Variants in DPP10 observed in about 807,000 individuals in gnomAD.
The protein encoded by DPP10 is inactive dipeptidyl peptidase 10.
A neutral mutation model predicts 120.9 loss-of-function variants in DPP10; 33 were observed. The ratio of observed to expected loss-of-function variants is 0.27; its 90% CI spans 0.21 to 0.37. DPP10 has a LOEUF of 0.37. Among genes scored for constraint, DPP10 ranks in the 10% least tolerant of loss-of-function variants. The pLI is 1.00. For missense variants in DPP10, 816 were observed against 942.8 expected, an observed-to-expected ratio of 0.87 and a Z score of 1.76; for synonymous variants, 337 against 326.1, an observed-to-expected ratio of 1.03 and a Z score of -0.36.
At chr2:115,281,513 T>C (rs2060155990) in intron 1 of DPP10, among the ~76,000 whole-genome samples, 1 of 152,196 alleles carries the variant, frequency 6.6e-6, no homozygotes, top group Admixed American at 6.5e-5. Context: ...GTAATGGCTA[T>C]ATCGCTTGGT....
At chr2:115,270,089 CACACACACACACACACACACACACAG>C (rs1230494247) in intron 1 of DPP10, among the ~76,000 whole-genome samples, 25 of 148,886 alleles carry the variant, frequency 1.7e-4, no homozygotes, top group Middle Eastern at 3.4e-3. Flanking sequence ...CACACACACA[CACACACACACACACACACACACACAG>C]ACACACACAC....
chr2:115,495,479 G>A (rs1481839581), intron 3 of DPP10, among the ~76,000 whole-genome samples: 1 of 150,150 alleles, frequency 6.7e-6, no homozygotes, highest in Admixed American at 6.7e-5. Context: ...CTTTATTTTT[G>A]GTCCTGATAG....
At chr2:115,206,213 T>C (rs1002440360) in intron 1 of DPP10, among the ~76,000 whole-genome samples, 1 of 152,152 alleles carries the variant, frequency 6.6e-6, no homozygotes, top group African/African-American at 2.4e-5. Flanking sequence ...GTTTCCCTCG[T>C]CAGGTGACTG....
intron 1 of DPP10, among the ~76,000 whole-genome samples, chr2:115,299,357 C>G (rs1400516115): frequency 6.6e-6 from 1 of 151,898 alleles, no homozygotes; most frequent in Admixed American, 6.6e-5. Flanking sequence ...AAATAACAAA[C>G]AGGAAAGTAT....
rs140133938 is a variant in DPP10, at chr2:115,048,106, A to G, written c.61-261133A>G. ...CTGGAAGCATGTTTTATGCTTTTGG[A>G]TTGTCCATTATATTGGATACAGTGC... On this transcript the variant is annotated intron_variant, in intron 1 of 25. Coordinates refer to ENST00000410059, the MANE Select transcript of DPP10 (RefSeq NM_020868.6). Among the ~76,000 whole-genome samples the G allele has an allele frequency of 5.2e-3, 787 of 152,154 alleles. 7 individuals are homozygous for G. The highest frequency in any genetic ancestry group is 0.018 in the African/African-American group (743 of 41,540).
chr2:115,738,934 A>G (rs1225975880), intron 8 of DPP10, among the ~76,000 whole-genome samples: 2 of 152,160 alleles, frequency 1.3e-5, no homozygotes, highest in Non-Finnish European at 2.9e-5. Flanking sequence ...GGGGTAGGAA[A>G]ACCACAAAGG....
chr2:115,309,795 C>T (rs1574376458), intron 2 of DPP10, among the ~76,000 whole-genome samples: 1 of 152,028 alleles, frequency 6.6e-6, no homozygotes, highest in East Asian at 1.9e-4. Flanking sequence ...TGATCTAAGC[C>T]TCTAAATTTG....
chr2:114,571,689 G>C (rs1210848928), intron 1 of DPP10, among the ~76,000 whole-genome samples: 1 of 151,808 alleles, frequency 6.6e-6, no homozygotes, highest in African/African-American at 2.4e-5. Context: ...GAATTGCTGT[G>C]GTAGGTAGTA....
chr2:115,604,333 T>C (rs1353568958), intron 5 of DPP10, among the ~76,000 whole-genome samples: 2 of 152,190 alleles, frequency 1.3e-5, no homozygotes, highest in Non-Finnish European at 2.9e-5. Flanking sequence ...CTCAGTCTTA[T>C]AACAATAGAT....
At chr2:114,641,173 A>G (rs552531222) in intron 1 of DPP10, among the ~76,000 whole-genome samples, 4 of 152,116 alleles carry the variant, frequency 2.6e-5, no homozygotes, top group African/African-American at 9.7e-5. Flanking sequence ...ACATTTTTCT[A>G]AGTTCTTATA....
intron 1 of DPP10, among the ~76,000 whole-genome samples, chr2:114,583,994 C>T (rs1690743742): frequency 6.6e-6 from 1 of 152,014 alleles, no homozygotes; most frequent in South Asian, 2.1e-4. Context: ...TATGTTAAGA[C>T]TTTAAGGTAT....
intron 1 of DPP10, among the ~76,000 whole-genome samples, chr2:114,969,750 A>G (rs1403592817): frequency 6.6e-6 from 1 of 152,150 alleles, no homozygotes; most frequent in Non-Finnish European, 1.5e-5. Flanking sequence ...ACAAACGAAA[A>G]AAACACTAGC....
intron 1 of DPP10, among the ~76,000 whole-genome samples, chr2:114,565,830 G>C (rs144749651): frequency 9.9e-4 from 151 of 152,264 alleles, no homozygotes; most frequent in African/African-American, 3.4e-3. Flanking sequence ...TCTGCTATGG[G>C]TCAGGTGCAG....
intron 1 of DPP10, among the ~76,000 whole-genome samples, chr2:114,653,582 T>C (rs1696766013): frequency 6.6e-6 from 1 of 152,188 alleles, no homozygotes; most frequent in African/African-American, 2.4e-5. Flanking sequence ...AAAGTCATTT[T>C]GTTTAACATT....
chr2:115,516,587 T>TC (rs1249301207), intron 4 of DPP10, among the ~76,000 whole-genome samples: 2 of 150,908 alleles, frequency 1.3e-5, no homozygotes, highest in African/African-American at 4.9e-5. Context: ...TTTTTTTTTT[T>TC]TTTCCAAGTG....
At chr2:115,446,386 G>C (rs2072590474) in intron 3 of DPP10, among the ~76,000 whole-genome samples, 1 of 152,166 alleles carries the variant, frequency 6.6e-6, no homozygotes, top group African/African-American at 2.4e-5. Flanking sequence ...TGAGAAGAGG[G>C]CCACTGTCCT....
rs183490465 is a variant in DPP10 at position 115,601,031 on chromosome 2, C to G, written c.441+75059C>G. Among the ~76,000 whole-genome samples, 56 of 152,178 alleles carry G rather than the reference C, an allele frequency of 3.7e-4. No individual in the cohort carries two copies. The East Asian group carries it at 7.7e-3, about 21-fold the overall frequency. On this transcript the variant is annotated intron_variant, in intron 5 of 25. Transcript: ENST00000410059. ...AAAGCTTTCCTTCATCCTATTTATGCCTATTCACCTGCTTATCATCTTCAA... is the reference window on the plus strand; with the variant it reads ...AAAGCTTTCCTTCATCCTATTTATGGCTATTCACCTGCTTATCATCTTCAA...
intron 1 of DPP10, among the ~76,000 whole-genome samples, chr2:115,100,582 G>T (rs901254985): frequency 2.0e-5 from 3 of 152,076 alleles, no homozygotes; most frequent in African/African-American, 7.2e-5. Flanking sequence ...ATGTGTGTGT[G>T]TGTGTATATA....
At chr2:114,764,869 T>G (rs1244293236) in intron 1 of DPP10, among the ~76,000 whole-genome samples, 2 of 152,176 alleles carry the variant, frequency 1.3e-5, no homozygotes, top group Non-Finnish European at 2.9e-5. Flanking sequence ...AGGAAAAAAC[T>G]TCATTTATAC....
Sources: gnomAD v4.1 joint callset for allele counts (sites outside exome capture counted in the v4.1 genomes callset) on GRCh38, gnomAD v4.1.1 for gene constraint, MANE v1.5 for transcripts, NCBI Gene and HGNC (gene_info 2026-07-23, HGNC 2026-07-21) for gene names.